Variants in EDIL3 observed in about 807,000 individuals in gnomAD.
EDIL3 encodes the protein EGF like and discoidin domains 3, also known as EGF-like repeat and discoidin I-like domain-containing protein 3.
In EDIL3, 37 loss-of-function variants were observed where a neutral mutation model predicts 67.4. The ratio of observed to expected loss-of-function variants is 0.55; its 90% CI spans 0.42 to 0.72. The LOEUF is 0.72. EDIL3 is among the 30% of genes least tolerant of loss of function. EDIL3 has a pLI of 0.00. For synonymous variants in EDIL3, 195 were observed against 196.3 expected (o/e 0.99, Z 0.05); for missense variants, 527 against 586.3 (o/e 0.90, Z 1.04).
At chr5:84,119,860 T>C (rs943548633) in intron 5 of EDIL3, among the ~76,000 whole-genome samples, 1 of 151,966 alleles carries the variant, frequency 6.6e-6, no homozygotes, top group Non-Finnish European at 1.5e-5. Context: ...AATTGAATAA[T>C]ACCTGATTTC....
chr5:83,964,694 T>C (rs1430575635), intron 9 of EDIL3, among the ~76,000 whole-genome samples: 1 of 152,118 alleles, frequency 6.6e-6, no homozygotes, highest in Non-Finnish European at 1.5e-5. Flanking sequence ...CATGAGCTTT[T>C]TGTTAACTTT....
At chr5:84,319,505 A>C (rs1746586981) in intron 1 of EDIL3, among the ~76,000 whole-genome samples, 2 of 119,390 alleles carry the variant, frequency 1.7e-5, no homozygotes, top group Non-Finnish European at 3.8e-5. Flanking sequence ...AAAAAAAAAA[A>C]AAAAAAAAAA....
chr5:83,971,008 T>C (rs921091346), intron 9 of EDIL3, among the ~76,000 whole-genome samples: 1 of 151,514 alleles, frequency 6.6e-6, no homozygotes, highest in African/African-American at 2.4e-5. Context: ...TGAGTTTTTA[T>C]TTCTGAGGTT....
chr5:84,008,454 G>A (rs1240328938), intron 9 of EDIL3, among the ~76,000 whole-genome samples: 2 of 151,930 alleles, frequency 1.3e-5, no homozygotes, highest in Non-Finnish European at 2.9e-5. Flanking sequence ...TATTAGATGG[G>A]AAACAGAGTG....
chr5:84,180,109 T>C (rs1452211931), intron 4 of EDIL3, among the ~76,000 whole-genome samples: 2 of 151,868 alleles, frequency 1.3e-5, no homozygotes, highest in Non-Finnish European at 2.9e-5. Flanking sequence ...GAGACAGATA[T>C]CAGTTTAATG....
intron 4 of EDIL3, 105 bp from the exon 5 acceptor site, chr5:84,137,459 C>T: frequency 2.0e-6 from 2 of 982,834 alleles, no homozygotes; most frequent in East Asian, 5.1e-5. Context: ...AATGCTATTC[C>T]TTTGTGTGTG....
intron 5 of EDIL3, among the ~76,000 whole-genome samples, chr5:84,124,067 G>C (rs1747821870): frequency 6.6e-6 from 1 of 151,876 alleles, no homozygotes; most frequent in South Asian, 2.1e-4. Context: ...TAAACTCAGA[G>C]ACATCTTAGC....
At chr5:84,309,930 A>G (rs1746351153) in intron 1 of EDIL3, among the ~76,000 whole-genome samples, 1 of 152,182 alleles carries the variant, frequency 6.6e-6, no homozygotes, top group African/African-American at 2.4e-5. Flanking sequence ...GACTTCCACA[A>G]TGGTTGAACT....
chr5:84,371,808 CATT>C (rs1251165643), intron 1 of EDIL3, among the ~76,000 whole-genome samples: 1 of 151,862 alleles, frequency 6.6e-6, no homozygotes, highest in Non-Finnish European at 1.5e-5. Context: ...ACCTACATAT[CATT>C]TGAAAATGTG....
At chr5:84,186,205 C>T (rs1156527530) in intron 3 of EDIL3, among the ~76,000 whole-genome samples, 1 of 151,920 alleles carries the variant, frequency 6.6e-6, no homozygotes, top group East Asian at 1.9e-4. Flanking sequence ...AAAAATATTA[C>T]TAAAGTAATA....
chr5:84,356,492 C>A (rs527757976), intron 1 of EDIL3, among the ~76,000 whole-genome samples: 39 of 152,350 alleles, frequency 2.6e-4, no homozygotes, highest in South Asian at 1.0e-3. Context: ...GCTGAGTATT[C>A]TGCATAACGA....
intron 1 of EDIL3, among the ~76,000 whole-genome samples, chr5:84,323,516 T>G (rs921015261): frequency 6.6e-6 from 1 of 151,782 alleles, no homozygotes; most frequent in Non-Finnish European, 1.5e-5. Context: ...ACAAAAGGTA[T>G]AAGGTATAAA....
chr5:84,289,085 A>T (rs1745865801), intron 1 of EDIL3, among the ~76,000 whole-genome samples: 1 of 152,096 alleles, frequency 6.6e-6, no homozygotes, highest in Non-Finnish European at 1.5e-5. Context: ...TGTTTTTGTT[A>T]TTTCTAGGTG....
intron 9 of EDIL3, among the ~76,000 whole-genome samples, chr5:84,035,253 A>G (rs1486793330): frequency 6.6e-6 from 1 of 152,162 alleles, no homozygotes; most frequent in Non-Finnish European, 1.5e-5. Context: ...TGTCATTATA[A>G]TGACTAAATC....
chr5:84,209,868 A>G (rs1289347017), intron 3 of EDIL3, among the ~76,000 whole-genome samples: 1 of 152,198 alleles, frequency 6.6e-6, no homozygotes, highest in Non-Finnish European at 1.5e-5. Context: ...TGTTCTATCC[A>G]TTAAGTTACT....
chr5:84,203,571 T>C (rs1743891836), intron 3 of EDIL3, among the ~76,000 whole-genome samples: 2 of 152,196 alleles, frequency 1.3e-5, no homozygotes, highest in South Asian at 2.1e-4. Flanking sequence ...ATTGGATGAA[T>C]ATTCAAGTGA....
intron 9 of EDIL3, among the ~76,000 whole-genome samples, chr5:84,033,197 C>T (rs1745959188): frequency 6.6e-6 from 1 of 152,212 alleles, no homozygotes; most frequent in Non-Finnish European, 1.5e-5. Flanking sequence ...TTCTCTACTA[C>T]TTCCATGTTG....
Position 84,017,406 on chromosome 5 carries a change from C to A in EDIL3, c.1137+42894G>T, listed in dbSNP as rs532942874. Among the ~76,000 whole-genome samples the A allele has an allele frequency of 7.4e-4, 112 of 152,296 alleles. 1 individual carries two copies. The South Asian group carries it at 8.3e-3, about 11-fold the overall frequency. On this transcript the variant is annotated intron_variant, in intron 9 of 10. Coordinates refer to ENST00000296591, the MANE Select transcript of EDIL3 (RefSeq NM_005711.5). ...ACTTGTGAAACATGTAACCAACACT[C>A]TGTGACTTCACTAGGATCACAATAA...
chr5:84,233,681 G>A (rs1472799017), intron 2 of EDIL3, among the ~76,000 whole-genome samples: 2 of 152,144 alleles, frequency 1.3e-5, no homozygotes, highest in Admixed American at 6.5e-5. Context: ...CCCATTTGGG[G>A]ACAAGGATAT....
Sources: gnomAD v4.1 joint callset for allele counts (sites outside exome capture counted in the v4.1 genomes callset) on GRCh38, gnomAD v4.1.1 for gene constraint, MANE v1.5 for transcripts, NCBI Gene and HGNC (gene_info 2026-07-23, HGNC 2026-07-21) for gene names.